Variants in CFAP61 observed in about 807,000 individuals in gnomAD.
The protein encoded by CFAP61 is cilia and flagella associated protein 61, also known as cilia- and flagella-associated protein 61.
A neutral mutation model predicts 135.6 loss-of-function variants in CFAP61; 107 were observed. The observed-to-expected ratio is 0.79, with a 90% CI of 0.67 to 0.93. The LOEUF is 0.93. CFAP61 is among the 40% of genes least tolerant of loss of function. The probability of loss-of-function intolerance (pLI) is 0.00; values close to 1 mark genes in which losing one functional copy is unlikely to be tolerated. For synonymous variants in CFAP61, 575 were observed against 578.5 expected (o/e 0.99, Z 0.09); for missense variants, 1,507 against 1,556.2 (o/e 0.97, Z 0.53).
intron 10 of CFAP61, among the ~76,000 whole-genome samples, chr20:20,161,976 G>A (rs6046676): frequency 0.9 from 137,264 of 152,194 alleles, 62,713 homozygotes; most frequent in Middle Eastern, 0.99. Context: ...ATTTATTATT[G>A]TGCAGTTCTG....
At chr20:20,323,372 G>T (rs1489820231) in intron 25 of CFAP61, 1 of 934,930 alleles carries the variant, frequency 1.1e-6, no homozygotes, top group East Asian at 1.2e-4. Context: ...CTAAAAGCAA[G>T]TATGGAATTC....
rs116288396 is a variant in CFAP61, at chr20:20,264,253, G to A, written c.2503+1123G>A. On this transcript the variant is annotated intron_variant, in intron 21 of 26. Transcript: ENST00000245957. ...CTCTCTTTTATGCATTGCTTGTCAGGTTTTTGGAATCAAGGGTATGCTAGT... is the reference window on the plus strand; with the variant it reads ...CTCTCTTTTATGCATTGCTTGTCAGATTTTTGGAATCAAGGGTATGCTAGT... Among the ~76,000 whole-genome samples the A allele has an allele frequency of 2.4e-3, 371 of 152,176 alleles. 1 individual carries two copies. The highest frequency in any genetic ancestry group is 8.5e-3 in the African/African-American group (354 of 41,520).
intron 26 of CFAP61, among the ~76,000 whole-genome samples, chr20:20,355,041 GAGGTGGTCACACTGTGAGAGGGA>G (rs375889838): frequency 8.3e-4 from 65 of 78,394 alleles, no homozygotes; most frequent in Non-Finnish European, 1.4e-3. Context: ...ACACTGAGGG[GAGGTGGTCACACTGTGAGAGGGA>G]AGGTGGTCAC....
intron 16 of CFAP61, among the ~76,000 whole-genome samples, chr20:20,199,203 A>G (rs2056471825): frequency 6.6e-6 from 1 of 151,746 alleles, no homozygotes; most frequent in African/African-American, 2.4e-5. Context: ...ACCCACCCCC[A>G]CTTCCTAGTT....
At chr20:20,063,503 A>G (rs1372713554) in intron 2 of CFAP61, among the ~76,000 whole-genome samples, 1 of 152,230 alleles carries the variant, frequency 6.6e-6, no homozygotes, top group African/African-American at 2.4e-5. Flanking sequence ...AGAAAATCTA[A>G]TAATCTCAAT....
intron 16 of CFAP61, among the ~76,000 whole-genome samples, chr20:20,197,591 T>TCA (rs924294902): frequency 6.6e-6 from 1 of 151,764 alleles, no homozygotes; most frequent in South Asian, 2.1e-4. Context: ...TACCACACTC[T>TCA]CACACACACT....
At chr20:20,314,533 TA>T (rs1454224664) in intron 25 of CFAP61, among the ~76,000 whole-genome samples, 30 of 143,924 alleles carry the variant, frequency 2.1e-4, no homozygotes, top group Non-Finnish European at 2.6e-4. Flanking sequence ...TATTATTATT[TA>T]TTTTTTTTAT....
At chr20:20,078,991 T>C (rs535390171) in intron 6 of CFAP61, among the ~76,000 whole-genome samples, 7 of 152,324 alleles carry the variant, frequency 4.6e-5, no homozygotes, top group African/African-American at 1.7e-4. Flanking sequence ...TCTAACAATT[T>C]AGATAAAAAT....
intron 2 of CFAP61, among the ~76,000 whole-genome samples, chr20:20,057,690 A>G (rs538882766): frequency 2.0e-5 from 3 of 152,282 alleles, no homozygotes; most frequent in Admixed American, 2.0e-4. Context: ...AAATATAAAT[A>G]TCCTTGAATC....
chr20:20,297,092 C>T (rs953790549), intron 24 of CFAP61, among the ~76,000 whole-genome samples: 3 of 152,152 alleles, frequency 2.0e-5, no homozygotes, highest in Non-Finnish European at 2.9e-5. Context: ...CCTGTCATGC[C>T]TCCTGTATAT....
chr20:20,133,717 A>G (rs1367482563), intron 8 of CFAP61, among the ~76,000 whole-genome samples: 1 of 152,212 alleles, frequency 6.6e-6, no homozygotes, highest in Non-Finnish European at 1.5e-5. Context: ...TTGTGATACA[A>G]TGAGAATGGG....
At position 20,191,292 on chromosome 20, in the gene CFAP61, A is replaced by G. The variant is rs78556222; in HGVS notation, c.1513-50A>G. On this transcript the variant is annotated intron_variant, in intron 14 of 26. Transcript: ENST00000245957. Reference sequence around the variant, plus strand: ...CCCACTGTTGCCTGCTTACAAAAACATTCATAGCCATATTTTTAAGGGTCT... The same window carrying G: ...CCCACTGTTGCCTGCTTACAAAAACGTTCATAGCCATATTTTTAAGGGTCT... The G allele has an allele frequency of 9.8e-5, 147 of 1,499,912 alleles. No individual in the cohort carries two copies. In the East Asian group the frequency reaches 3.2e-3, roughly 33 times the overall value. 92.9% of individuals were successfully genotyped at this position (1,499,912 alleles called of 1,614,324 possible). A position where few individuals can be genotyped will look rare whatever the true frequency, so the allele number is the denominator to read the frequency against.
chr20:20,130,675 T>G (rs2050452427), intron 8 of CFAP61, among the ~76,000 whole-genome samples: 1 of 151,600 alleles, frequency 6.6e-6, no homozygotes, highest in South Asian at 2.1e-4. Flanking sequence ...ACAGTCAGAG[T>G]GCCACCCATC....
At chr20:20,228,151 T>C (rs1044685279) in intron 17 of CFAP61, 98 bp from the exon 18 acceptor site, 19 of 1,041,170 alleles carry the variant, frequency 1.8e-5, no homozygotes, top group Non-Finnish European at 2.5e-5. Flanking sequence ...TTGGTGGTAA[T>C]GTCCTGGTTA....
intron 9 of CFAP61, among the ~76,000 whole-genome samples, chr20:20,150,166 C>T (rs893913967): frequency 5.9e-5 from 9 of 151,650 alleles, no homozygotes; most frequent in South Asian, 4.2e-4. Flanking sequence ...TAACCCCATG[C>T]GCCCACCACC....
At chr20:20,298,705 C>T (rs896089632) in intron 25 of CFAP61, among the ~76,000 whole-genome samples, 1 of 152,064 alleles carries the variant, frequency 6.6e-6, no homozygotes, top group South Asian at 2.1e-4. Context: ...GAGCAGTGGT[C>T]AGAAATGTAG....
At chr20:20,112,412 C>G (rs1404045154) in intron 8 of CFAP61, among the ~76,000 whole-genome samples, 2 of 152,132 alleles carry the variant, frequency 1.3e-5, no homozygotes, top group Non-Finnish European at 2.9e-5. Context: ...CAAAGCTTTT[C>G]ATGCATTTCA....
chr20:20,220,876 T>C (rs554771226), intron 17 of CFAP61, among the ~76,000 whole-genome samples: 82 of 152,312 alleles, frequency 5.4e-4, no homozygotes, highest in African/African-American at 1.9e-3. Context: ...AGTTCTTTCA[T>C]GGGGATATAG....
intron 7 of CFAP61, among the ~76,000 whole-genome samples, chr20:20,096,628 T>C (rs966997110): frequency 2.6e-5 from 4 of 152,260 alleles, no homozygotes; most frequent in Non-Finnish European, 4.4e-5. Flanking sequence ...GACATCTCCA[T>C]GTGAACCAAG....
Sources: gnomAD v4.1 joint callset for allele counts (sites outside exome capture counted in the v4.1 genomes callset) on GRCh38, gnomAD v4.1.1 for gene constraint, MANE v1.5 for transcripts, NCBI Gene and HGNC (gene_info 2026-07-23, HGNC 2026-07-21) for gene names.